Variants in PCLO observed in about 807,000 individuals in gnomAD.
PCLO encodes protein piccolo.
PCLO carries 82 observed loss-of-function variants against 427.5 expected under a neutral mutation model. That is an observed-to-expected ratio of 0.19 (90% CI 0.16 to 0.23). The LOEUF (loss-of-function observed/expected upper bound fraction) is 0.23. Ranked by LOEUF, PCLO falls within the 10% of genes least tolerant of loss-of-function variation. The probability of loss-of-function intolerance (pLI) is 1.00; values close to 1 mark genes in which losing one functional copy is unlikely to be tolerated. For synonymous variants in PCLO, 2,357 were observed against 2,155.4 expected (o/e 1.09, Z -2.59); for missense variants, 6,239 against 6,115.9 (o/e 1.02, Z -0.67).
At chr7:83,017,436 A>G (rs1047344275) in intron 3 of PCLO, among the ~76,000 whole-genome samples, 1 of 152,026 alleles carries the variant, frequency 6.6e-6, no homozygotes, top group Non-Finnish European at 1.5e-5. Flanking sequence ...CATTCTTGAG[A>G]ACAAAACCAG....
chr7:82,892,590 A>G (rs1263951866), intron 9 of PCLO, among the ~76,000 whole-genome samples: 2 of 151,772 alleles, frequency 1.3e-5, no homozygotes, highest in Non-Finnish European at 3.0e-5. Flanking sequence ...ATCTAATTAA[A>G]CTAAAGAGCT....
chr7:82,916,742 C>T lies in PCLO; in HGVS notation c.11244G>A (p.Arg3748=). ...TTGTGTTGGTTCTGCAGATCCTTCT[C>T]CTGGAAACTGTGCCCATTGTGCTGA... The part of the protein sequence containing the change: ...STFSTMGTVS[R]RRICRTNTMA... Residue 3748 remains arginine (R), a synonymous_variant, in exon 7 of 25, where the codon AGG becomes AGA. Transcript: ENST00000333891. The T allele has an allele frequency of 6.2e-7, 1 of 1,613,636 alleles. No individual in the cohort carries two copies. The highest frequency in any genetic ancestry group is 8.5e-7 in the Non-Finnish European group (1 of 1,179,720).
At chr7:82,784,039 A>G (rs1278922188) in intron 22 of PCLO, among the ~76,000 whole-genome samples, 1 of 152,180 alleles carries the variant, frequency 6.6e-6, no homozygotes, top group Non-Finnish European at 1.5e-5. Context: ...TACAGACATC[A>G]TCATTTCTTT....
At chr7:83,054,506 G>A (rs1789330913) in intron 3 of PCLO, among the ~76,000 whole-genome samples, 1 of 151,956 alleles carries the variant, frequency 6.6e-6, no homozygotes, top group Admixed American at 6.6e-5. Context: ...TTTTAGCCGT[G>A]AGAAGAAGAC....
chr7:82,949,280 C>T (rs774903794), intron 6 of PCLO, among the ~76,000 whole-genome samples, 196 bp downstream of exon 6: 42 of 151,294 alleles, frequency 2.8e-4, no homozygotes, highest in Non-Finnish European at 5.6e-4. Flanking sequence ...CACACAAGCG[C>T]ACACACACAC....
chr7:83,153,292 CTTA>C (rs1040574651), intron 2 of PCLO, among the ~76,000 whole-genome samples: 4 of 151,326 alleles, frequency 2.6e-5, no homozygotes, highest in African/African-American at 9.7e-5. Context: ...GCAGCATATT[CTTA>C]TTAATTGTAG....
At chr7:82,796,013 A>T (rs1372259167) in intron 22 of PCLO, among the ~76,000 whole-genome samples, 1 of 152,172 alleles carries the variant, frequency 6.6e-6, no homozygotes, top group Non-Finnish European at 1.5e-5. Context: ...ACTATTTCAG[A>T]TATTAATCTC....
chr7:83,059,357 A>AAAAAAAT lies in PCLO; in HGVS notation c.3300+74892_3300+74893insATTTTTT, dbSNP rs1332566491. 8.0e-5 allele frequency among the ~76,000 whole-genome samples: 9 copies of AAAAAAAT among 111,816 alleles called. No individual in the cohort carries two copies. The Admixed American group carries it at 8.7e-4, about 11-fold the overall frequency. 73.4% of individuals were successfully genotyped at this position (111,816 alleles called of 152,430 possible). On this transcript the variant is annotated intron_variant, in intron 3 of 24. Coordinates refer to ENST00000333891, the MANE Select transcript of PCLO (RefSeq NM_033026.6). ...ATATATTTTATATATACACCTTTAA[A>AAAAAAAT]ATATATATATATATATATATATAAA... is the stretch of plus-strand genomic sequence containing the variant.
chr7:83,028,191 T>TA (rs1788557033), intron 3 of PCLO, among the ~76,000 whole-genome samples: 1 of 152,098 alleles, frequency 6.6e-6, no homozygotes, highest in Admixed American at 6.5e-5. Context: ...ATGACATGAT[T>TA]GTATATCTAG....
At chr7:82,914,646 GA>G (rs1199876846) in intron 7 of PCLO, 39 bp downstream of exon 7, 2 of 1,595,790 alleles carry the variant, frequency 1.3e-6, no homozygotes, top group Non-Finnish European at 1.7e-6. Context: ...ATAAGAGTTT[GA>G]GTTTTGAGAG....
intron 4 of PCLO, 65 bp from the exon 5 acceptor site, chr7:82,957,000 T>C: frequency 1.4e-6 from 2 of 1,428,792 alleles, no homozygotes; most frequent in Non-Finnish European, 1.8e-6. Flanking sequence ...GGCCTCTCCA[T>C]TACTACCAAA....
chr7:82,867,208 T>C lies in PCLO; in HGVS notation c.13654+12129A>G, dbSNP rs578013941. 5.3e-5 allele frequency among the ~76,000 whole-genome samples: 8 copies of C among 152,296 alleles called. No individual in the cohort carries two copies. The East Asian group carries it at 1.5e-3, about 29-fold the overall frequency. ...TGAGCACAGAAGGTCAAGGCTAGCC[T>C]GGGCAACATGGCAACACTCCTGTCT... On this transcript the variant is annotated intron_variant, in intron 10 of 24. Coordinates refer to ENST00000333891, the MANE Select transcript of PCLO (RefSeq NM_033026.6).
chr7:83,122,992 A>G (rs987575938), intron 3 of PCLO, among the ~76,000 whole-genome samples: 1 of 152,214 alleles, frequency 6.6e-6, no homozygotes, highest in African/African-American at 2.4e-5. Flanking sequence ...AAAGGACACA[A>G]AAAAGGAAAG....
chr7:83,162,503 C>T lies in PCLO; in HGVS notation c.90G>A (p.Gly30=). ...CCGGGATCGCGGTGTGAGAGGGGCT[C>T]CCCGCCCCGCTAGCTCCTCCTCCAG... ...AAAGGGASGA[G]SPSHTAIPAG... Residue 30 remains glycine, a synonymous_variant, in exon 1 of 25, where the codon GGG becomes GGA. Transcript: ENST00000333891. The T allele has an allele frequency of 6.4e-7, 1 of 1,565,744 alleles. No individual in the cohort carries two copies. Among genetic ancestry groups the T allele is most frequent in the Non-Finnish European group, 8.7e-7 (1 of 1,155,858 alleles).
At chr7:82,909,908 C>A (rs1794281677) in intron 7 of PCLO, among the ~76,000 whole-genome samples, 1 of 151,994 alleles carries the variant, frequency 6.6e-6, no homozygotes, top group African/African-American at 2.4e-5. Flanking sequence ...TTTGAAAATG[C>A]AACTATATTT....
chr7:83,120,184 T>C (rs1209605074), intron 3 of PCLO, among the ~76,000 whole-genome samples: 5 of 151,802 alleles, frequency 3.3e-5, no homozygotes, highest in Non-Finnish European at 7.4e-5. Context: ...GGCAGATCTC[T>C]TGAAGTCAGG....
chr7:82,960,147 G>GT (rs1795624403), intron 4 of PCLO, among the ~76,000 whole-genome samples: 1 of 152,198 alleles, frequency 6.6e-6, no homozygotes, highest in Non-Finnish European at 1.5e-5. Flanking sequence ...AGGATGCAGT[G>GT]TTAAGTTTTT....
intron 3 of PCLO, among the ~76,000 whole-genome samples, chr7:83,007,462 A>G (rs1033797702): frequency 6.6e-6 from 1 of 151,562 alleles, no homozygotes; most frequent in Non-Finnish European, 1.5e-5. Flanking sequence ...GGAAAGTACT[A>G]TATATTTTAT....
chr7:82,856,941 G>A (rs189654047), intron 10 of PCLO, among the ~76,000 whole-genome samples: 1 of 152,086 alleles, frequency 6.6e-6, no homozygotes, highest in Non-Finnish European at 1.5e-5. Flanking sequence ...TCCCAAAAGT[G>A]AGTTCCAGAT....
Sources: gnomAD v4.1 joint callset for allele counts (sites outside exome capture counted in the v4.1 genomes callset) on GRCh38, gnomAD v4.1.1 for gene constraint, MANE v1.5 for transcripts, NCBI Gene and HGNC (gene_info 2026-07-23, HGNC 2026-07-21) for gene names.